Variants in CRYBG3 observed in about 807,000 individuals in gnomAD.
CRYBG3 encodes the protein very large A-kinase anchor protein.
A neutral mutation model predicts 244.2 loss-of-function variants in CRYBG3; 127 were observed. That is an observed-to-expected ratio of 0.52 (90% CI 0.45 to 0.60). CRYBG3 has a LOEUF of 0.60. Ranked by LOEUF, CRYBG3 falls within the 20% of genes least tolerant of loss-of-function variation. CRYBG3 has a pLI of 0.00. For synonymous variants in CRYBG3, 1,132 were observed against 1,195.8 expected (o/e 0.95, Z 1.10); for missense variants, 3,325 against 3,442.5 (o/e 0.97, Z 0.85).
chr3:97,877,931 G>A lies in CRYBG3; in HGVS notation c.6737G>A (p.Ser2246Asn), dbSNP rs764210342. The A allele has an allele frequency of 1.9e-6, 3 of 1,614,068 alleles. No homozygotes were observed. The highest frequency in any genetic ancestry group is 2.5e-6 in the Non-Finnish European group (3 of 1,179,984). The change falls in exon 4 of 22, where the codon AGT becomes AAT. Residue 2246 changes from serine to asparagine, a missense_variant. Around this residue, in one of 4 missense-constraint regions of CRYBG3, gnomAD observed 450 missense variants for 424.1 expected, o/e 1.06. Coordinates refer to ENST00000389622, the MANE Select transcript of CRYBG3 (RefSeq NM_153605.4). ...AYHQYLQTSQ[S>N]HSSEKGARFG... ...CATCAGTATCTGCAGACTTCCCAAAGTCATTCCTCAGAAAAAGGAGCCAGA... is the reference window on the plus strand; with the variant it reads ...CATCAGTATCTGCAGACTTCCCAAAATCATTCCTCAGAAAAAGGAGCCAGA...
intron 15 of CRYBG3, among the ~76,000 whole-genome samples, chr3:97,909,963 A>G (rs1179123889): frequency 2.7e-5 from 4 of 150,696 alleles, no homozygotes. Flanking sequence ...TTTTCCTTCT[A>G]ACAGACAGGA....
chr3:97,909,054 T>G (rs1202113913), intron 15 of CRYBG3, among the ~76,000 whole-genome samples: 1 of 152,196 alleles, frequency 6.6e-6, no homozygotes, highest in Non-Finnish European at 1.5e-5. Context: ...ATTCTTTTCT[T>G]TAAGAATGTT....
chr3:97,872,179 T>C lies in CRYBG3; in HGVS notation c.985T>C (p.Ser329Pro). 6.5e-7 allele frequency: 1 copy of C among 1,535,492 alleles called. No individual in the cohort carries two copies. Among genetic ancestry groups the C allele is most frequent in the South Asian group, 1.2e-5 (1 of 84,034 alleles). Residue 329 changes from serine to proline, a missense_variant, in exon 4 of 22, where the codon TCC (serine) becomes CCC (proline). By Grantham distance (74) the Ser-to-Pro change is moderately conservative. Coordinates refer to ENST00000389622, the MANE Select transcript of CRYBG3 (RefSeq NM_153605.4). ...NNPELQNIAS[S>P]NNLLNKNAWG... The stretch of plus-strand genomic sequence containing the variant: ...CCCAGAACTGCAGAATATTGCCTCT[T>C]CCAATAATCTTTTAAATAAAAATGC...
At chr3:97,941,111 A>G (rs1303796788) in intron 19 of CRYBG3, 37 bp from the exon 20 acceptor site, 2 of 1,559,112 alleles carry the variant, frequency 1.3e-6, no homozygotes, top group East Asian at 2.3e-5. Flanking sequence ...TCCAGATTCA[A>G]AAGTTTATTT....
At chr3:97,886,970 T>C (rs2039515665) in intron 8 of CRYBG3, among the ~76,000 whole-genome samples, 1 of 152,206 alleles carries the variant, frequency 6.6e-6, no homozygotes, top group African/African-American at 2.4e-5. Flanking sequence ...TTCTGAGATG[T>C]AGTTCTTGAT....
intron 17 of CRYBG3, among the ~76,000 whole-genome samples, chr3:97,924,849 A>G (rs1468692041): frequency 6.6e-6 from 1 of 152,094 alleles, no homozygotes. Context: ...CATATTCAAC[A>G]TATTCACCAT....
At chr3:97,822,381 G>A (rs1289830911) in intron 1 of CRYBG3, 26 bp downstream of exon 1, 2 of 1,486,244 alleles carry the variant, frequency 1.3e-6, no homozygotes, top group South Asian at 1.3e-5. Flanking sequence ...GGGGTCGCGG[G>A]GGGGCCCTGC....
chr3:97,836,642 G>A (rs920901509), intron 1 of CRYBG3, among the ~76,000 whole-genome samples: 1 of 152,274 alleles, frequency 6.6e-6, no homozygotes, highest in South Asian at 2.1e-4. Flanking sequence ...TATCCCAAGG[G>A]TAATGTAGAT....
chr3:97,930,224 G>T (rs2040083165), intron 17 of CRYBG3, among the ~76,000 whole-genome samples: 1 of 151,930 alleles, frequency 6.6e-6, no homozygotes, highest in African/African-American at 2.4e-5. Flanking sequence ...GCTGATTGTT[G>T]ACTTGGAGCA....
intron 6 of CRYBG3, among the ~76,000 whole-genome samples, chr3:97,880,594 G>A (rs1248024711): frequency 6.6e-6 from 1 of 152,186 alleles, no homozygotes; most frequent in Non-Finnish European, 1.5e-5. Context: ...ACATGCTGGA[G>A]CCAGAATTTA....
At chr3:97,908,735 T>G (rs1210040046) in intron 15 of CRYBG3, among the ~76,000 whole-genome samples, 1 of 152,228 alleles carries the variant, frequency 6.6e-6, no homozygotes. Context: ...TTGGAGCATT[T>G]AGTCCATTTA....
chr3:97,823,929 A>G (rs148627600), intron 1 of CRYBG3, among the ~76,000 whole-genome samples: 1 of 152,306 alleles, frequency 6.6e-6, no homozygotes, highest in Non-Finnish European at 1.5e-5. Flanking sequence ...CCCTCCAGCA[A>G]CTAGTTCCTT....
At chr3:97,921,249 T>A (rs1285490841) in intron 17 of CRYBG3, among the ~76,000 whole-genome samples, 22 of 152,158 alleles carry the variant, frequency 1.4e-4, no homozygotes, top group Admixed American at 1.4e-3. Flanking sequence ...AAAGTGACTT[T>A]TGTCTGCCTT....
intron 19 of CRYBG3, among the ~76,000 whole-genome samples, chr3:97,937,755 G>A (rs1409966434): frequency 1.3e-5 from 2 of 152,036 alleles, no homozygotes; most frequent in South Asian, 2.1e-4. Context: ...ACAATATCTG[G>A]AATATTGTAG....
intron 2 of CRYBG3, among the ~76,000 whole-genome samples, chr3:97,846,508 A>G (rs2038903660): frequency 6.6e-6 from 1 of 152,322 alleles, no homozygotes; most frequent in African/African-American, 2.4e-5. Context: ...CAGTTTCTCC[A>G]AAAGCCTTAA....
rs1370174967 is a variant in CRYBG3 at position 97,874,978 on chromosome 3, T to C, written c.3784T>C (p.Leu1262=). The C allele has an allele frequency of 6.5e-7, 1 of 1,535,850 alleles. No individual in the cohort carries two copies. The highest frequency in any genetic ancestry group is 8.7e-7 in the Non-Finnish European group (1 of 1,146,844). The change falls in exon 4 of 22, where the codon TTG becomes CTG. Residue 1262 remains leucine, a synonymous_variant. Transcript: ENST00000389622. Reference sequence around the variant, plus strand: ...AACAGAAATACAACAGACAGAGGGTTTGGAAGAGCAAGGCATGGAAAACAT... The same window carrying C: ...AACAGAAATACAACAGACAGAGGGTCTGGAAGAGCAAGGCATGGAAAACAT... The part of the protein sequence containing the change: ...TLTEIQQTEG[L]EEQGMENMSE...
At chr3:97,924,733 C>T (rs1021439766) in intron 17 of CRYBG3, among the ~76,000 whole-genome samples, 1 of 152,088 alleles carries the variant, frequency 6.6e-6, no homozygotes, top group Non-Finnish European at 1.5e-5. Context: ...CTTACAGGGA[C>T]CCTGGTGGCC....
At chr3:97,833,797 C>T (rs1165318636) in intron 1 of CRYBG3, among the ~76,000 whole-genome samples, 3 of 152,026 alleles carry the variant, frequency 2.0e-5, no homozygotes, top group South Asian at 2.1e-4. Flanking sequence ...TAAAGGAATA[C>T]CTGAGGGTGG....
At chr3:97,915,489 G>T in intron 16 of CRYBG3, 121 bp from the exon 17 acceptor site, 1 of 932,714 alleles carries the variant, frequency 1.1e-6, no homozygotes, top group Non-Finnish European at 1.6e-6. Context: ...TAAAGCTGGT[G>T]TGGTGGTGCT....
Sources: allele counts gnomAD v4.1 joint callset (sites outside exome capture counted in the v4.1 genomes callset), GRCh38; gene constraint gnomAD v4.1.1; regional missense constraint gnomAD v4.1.1; transcripts MANE v1.5; gene names NCBI Gene and HGNC (gene_info 2026-07-23, HGNC 2026-07-21).